Variants in GC observed in about 807,000 individuals in gnomAD.
The protein encoded by GC is GC vitamin D binding protein, also known as vitamin D-binding protein.
A neutral mutation model predicts 56.7 loss-of-function variants in GC; 43 were observed. That is an observed-to-expected ratio of 0.76 (90% CI 0.59 to 0.98). The LOEUF is 0.98. GC is among the 50% of genes least tolerant of loss of function. The pLI is 0.00. For synonymous variants in GC, 216 were observed against 202.7 expected (o/e 1.07, Z -0.56); for missense variants, 529 against 545.9 (o/e 0.97, Z 0.31).
upstream of GC, among the ~76,000 whole-genome samples, chr4:71,787,781 T>C (rs989066695): frequency 6.6e-6 from 1 of 151,866 alleles, no homozygotes; most frequent in African/African-American, 2.4e-5. Context: ...AGACTTTGGC[T>C]GAGGGGGGAA....
intron 6 of GC, among the ~76,000 whole-genome samples, chr4:71,758,740 T>C (rs901519573): frequency 2.0e-5 from 3 of 152,288 alleles, no homozygotes; most frequent in Middle Eastern, 3.4e-3. Flanking sequence ...TCCTAATATA[T>C]CATGAATATG....
chr4:71,754,940 G>C (rs1392842383), intron 9 of GC, 38 bp downstream of exon 9: 1 of 1,469,648 alleles, frequency 6.8e-7, no homozygotes. Context: ...TCCAACCCTT[G>C]ATCTATGTGC....
chr4:71,785,277 T>A (rs1742806325), upstream of GC, among the ~76,000 whole-genome samples: 1 of 151,720 alleles, frequency 6.6e-6, no homozygotes. Flanking sequence ...TATTGCCACG[T>A]TCTCCCACTG....
chr4:71,785,442 G>A (rs115316390), upstream of GC, among the ~76,000 whole-genome samples: 215 of 151,824 alleles, frequency 1.4e-3, 1 homozygote, highest in African/African-American at 5.1e-3. Context: ...TTATCTACAT[G>A]GGCAGAGTCT....
At chr4:71,801,091 GC>G in intron 1 of GC, among the ~76,000 whole-genome samples, 1 of 152,142 alleles carries the variant, frequency 6.6e-6, no homozygotes, top group Middle Eastern at 3.4e-3. Flanking sequence ...TATGATAAGC[GC>G]CTCATATCCA....
intron 11 of GC, among the ~76,000 whole-genome samples, chr4:71,749,437 T>G (rs1007871158): frequency 1.3e-5 from 2 of 152,208 alleles, no homozygotes; most frequent in African/African-American, 4.8e-5. Flanking sequence ...AGTGCATATC[T>G]GTATAGACAG....
chr4:71,753,580 T>TC (rs1380278062), intron 10 of GC, among the ~76,000 whole-genome samples: 1 of 152,154 alleles, frequency 6.6e-6, no homozygotes, highest in Non-Finnish European at 1.5e-5. Context: ...ATGGAGACTT[T>TC]CCCCAAGAAC....
intron 1 of GC, among the ~76,000 whole-genome samples, chr4:71,780,215 C>T (rs1244540359): frequency 6.6e-6 from 1 of 151,964 alleles, no homozygotes; most frequent in Non-Finnish European, 1.5e-5. Flanking sequence ...CTTCCTTACA[C>T]CTTATACAAA....
chr4:71,768,117 T>A (rs527843144), intron 3 of GC, among the ~76,000 whole-genome samples, 184 bp downstream of exon 3: 97 of 152,320 alleles, frequency 6.4e-4, no homozygotes, highest in African/African-American at 2.0e-3. Context: ...CTTGTAGGAA[T>A]AATGGGTAAT....
chr4:71,785,769 T>C (rs768978354), upstream of GC, among the ~76,000 whole-genome samples: 2 of 151,760 alleles, frequency 1.3e-5, no homozygotes, highest in Non-Finnish European at 3.0e-5. Flanking sequence ...GTATTTTAGT[T>C]CTATGGCAAA....
At chr4:71,793,949 G>A (rs1743031759) in intron 1 of GC, among the ~76,000 whole-genome samples, 1 of 152,146 alleles carries the variant, frequency 6.6e-6, no homozygotes, top group Non-Finnish European at 1.5e-5. Flanking sequence ...TTTATGCGAT[G>A]GATTACGTTT....
chr4:71,752,724 C>T, intron 10 of GC, 74 bp from the exon 11 acceptor site: 1 of 1,238,840 alleles, frequency 8.1e-7, no homozygotes, highest in Non-Finnish European at 1.2e-6. Flanking sequence ...AAAATAATAG[C>T]CATTTCAGAT....
intron 11 of GC, among the ~76,000 whole-genome samples, chr4:71,749,645 A>G (rs11723621): frequency 0.22 from 33,075 of 152,138 alleles, 4,256 homozygotes; most frequent in South Asian, 0.29. Context: ...GATTACTAAA[A>G]GCAACTTGGT....
At chr4:71,782,340 G>A (rs1450111906) in intron 1 of GC, among the ~76,000 whole-genome samples, 1 of 151,760 alleles carries the variant, frequency 6.6e-6, no homozygotes, top group African/African-American at 2.4e-5. Context: ...GTAAACTGCT[G>A]ACTTGGTCTT....
intron 6 of GC, among the ~76,000 whole-genome samples, chr4:71,759,784 G>T (rs76714399): frequency 6.6e-6 from 1 of 152,052 alleles, no homozygotes; most frequent in Non-Finnish European, 1.5e-5. Context: ...TATATATTCC[G>T]AATATTAAAC....
At chr4:71,779,778 A>G (rs1017091133) in intron 1 of GC, among the ~76,000 whole-genome samples, 12 of 151,834 alleles carry the variant, frequency 7.9e-5, no homozygotes, top group African/African-American at 2.9e-4. Flanking sequence ...AAGATGAAAC[A>G]TTGCTATTGA....
chr4:71,787,784 G>A (rs1290844399), upstream of GC, among the ~76,000 whole-genome samples: 1 of 151,886 alleles, frequency 6.6e-6, no homozygotes, highest in African/African-American at 2.4e-5. Flanking sequence ...CTTTGGCTGA[G>A]GGGGGAAGAG....
chr4:71,792,258 T>G (rs1245661366), intron 1 of GC, among the ~76,000 whole-genome samples: 2 of 152,218 alleles, frequency 1.3e-5, no homozygotes, highest in Non-Finnish European at 2.9e-5. Context: ...TCCACAATGG[T>G]TGAACTAATT....
At position 71,741,814 on chromosome 4, in the gene GC, G is replaced by A. The variant is rs749027551; in HGVS notation, c.*82C>T. On this transcript the variant is annotated 3_prime_UTR_variant, in exon 13 of 13. Coordinates refer to ENST00000273951, the MANE Select transcript of GC (RefSeq NM_000583.4). ...CTAGTTGTCTTCCCAGAAGCTCAGT[G>A]GTTTTGCTTAGGTTAGGTCATCAGA... The A allele has an allele frequency of 1.4e-6, 1 of 702,856 alleles. No individual in the cohort carries two copies. The highest frequency in any genetic ancestry group is 1.5e-5 in the South Asian group (1 of 67,584). 43.5% of individuals were successfully genotyped at this position (702,856 alleles called of 1,614,324 possible).
Sources: gnomAD v4.1 joint callset for allele counts (sites outside exome capture counted in the v4.1 genomes callset) on GRCh38, gnomAD v4.1.1 for gene constraint, MANE v1.5 for transcripts, NCBI Gene and HGNC (gene_info 2026-07-23, HGNC 2026-07-21) for gene names.